TAF3: variants seen among roughly 807,000 people sequenced by gnomAD.
TAF3 encodes the protein transcription initiation factor TFIID subunit 3.
Under a neutral mutation model 80.6 loss-of-function variants are expected in TAF3, and 7 were observed. That is an observed-to-expected ratio of 0.09 (90% CI 0.05 to 0.16). The LOEUF (loss-of-function observed/expected upper bound fraction) is 0.16. TAF3 is among the 10% of genes least tolerant of loss of function. The probability of loss-of-function intolerance (pLI) is 1.00; values close to 1 mark genes in which losing one functional copy is unlikely to be tolerated. For missense variants in TAF3, 921 were observed against 1,140.2 expected, an observed-to-expected ratio of 0.81 and a Z score of 2.77; for synonymous variants, 444 against 446.1, an observed-to-expected ratio of 1.00 and a Z score of 0.06.
chr10:7,965,176 A>G lies in TAF3; in HGVS notation c.1666A>G (p.Lys556Glu), dbSNP rs1325774785. 6.2e-7 allele frequency: 1 copy of G among 1,608,856 alleles called. No homozygotes were observed. Among genetic ancestry groups the G allele is most frequent in the Non-Finnish European group, 8.5e-7 (1 of 1,178,764 alleles). The change falls in exon 3 of 7, where the codon AAG becomes GAG. Residue 556 changes from lysine (K) to glutamate (E), a missense_variant. Coordinates refer to ENST00000344293, the MANE Select transcript of TAF3 (RefSeq NM_031923.4). ...CAAGAACAAGGACAAAAGTAAGGAG[A>G]AGGATAAAGTGAAAGAGAAAGAGAA... is the stretch of plus-strand genomic sequence containing the variant. Reference protein sequence around the residue: ...KDKNKDKSKEKDKVKEKEKDK... With the variant: ...KDKNKDKSKEEDKVKEKEKDK...
rs1322781169 is a variant in TAF3, at chr10:8,015,451, T to G, written c.*700T>G. ...TGCCCTTCTTTAAACTGCTGGAGTC[T>G]CTTCTCACTGCTTGTACATTTCATC... is the stretch of plus-strand genomic sequence containing the variant. On this transcript the variant is annotated 3_prime_UTR_variant, in exon 7 of 7. Coordinates refer to ENST00000344293, the MANE Select transcript of TAF3 (RefSeq NM_031923.4). 6.6e-6 allele frequency: 1 copy of G among 152,240 alleles called. No individual in the cohort carries two copies. Among genetic ancestry groups the G allele is most frequent in the East Asian group, 1.9e-4 (1 of 5,206 alleles). 9.4% of individuals were successfully genotyped at this position (152,240 alleles called of 1,614,324 possible).
At chr10:7,832,494 C>G (rs562631498) in intron 2 of TAF3, among the ~76,000 whole-genome samples, 1 of 152,262 alleles carries the variant, frequency 6.6e-6, no homozygotes, top group African/African-American at 2.4e-5. Flanking sequence ...GTAGTAATTA[C>G]ATCAGACTAA....
intron 2 of TAF3, among the ~76,000 whole-genome samples, chr10:7,958,619 G>T (rs1838159315): frequency 6.6e-6 from 1 of 152,202 alleles, no homozygotes; most frequent in Admixed American, 6.5e-5. Flanking sequence ...GGGGGCTGGG[G>T]TAGGAGTGGA....
chr10:7,863,571 C>G (rs112375296), intron 2 of TAF3, among the ~76,000 whole-genome samples: 17,354 of 130,482 alleles, frequency 0.13, 993 homozygotes, highest in East Asian at 0.17. Flanking sequence ...GATCGCCCCA[C>G]TGCACTCCAG....
chr10:7,979,850 G>A (rs1831709655), intron 4 of TAF3, among the ~76,000 whole-genome samples: 1 of 152,084 alleles, frequency 6.6e-6, no homozygotes, highest in Admixed American at 6.5e-5. Flanking sequence ...TCTAAATCAG[G>A]GGTCAGCAAA....
intron 2 of TAF3, among the ~76,000 whole-genome samples, chr10:7,942,246 G>A (rs1837983241): frequency 2.0e-5 from 3 of 152,136 alleles, no homozygotes; most frequent in African/African-American, 7.2e-5. Flanking sequence ...GATTTCAGTC[G>A]AGCTTCCCAT....
intron 2 of TAF3, among the ~76,000 whole-genome samples, chr10:7,838,815 A>G (rs1409846399): frequency 6.7e-6 from 1 of 148,936 alleles, no homozygotes; most frequent in Non-Finnish European, 1.5e-5. Flanking sequence ...CCTCTCAGAT[A>G]CCTTCCTGTT....
rs188403870 is a variant in TAF3, at chr10:7,819,449, G to A, written c.166+574G>A. Reference sequence around the variant, plus strand: ...TGTTTTTCCAAGGCTGACTTTGTCAGTTTCGCTGATTAGATGTACTTTCAC... The same window carrying A: ...TGTTTTTCCAAGGCTGACTTTGTCAATTTCGCTGATTAGATGTACTTTCAC... On this transcript the variant is annotated intron_variant, in intron 1 of 6. Coordinates refer to ENST00000344293, the MANE Select transcript of TAF3 (RefSeq NM_031923.4). Among the ~76,000 whole-genome samples, 282 of 152,312 alleles carry A rather than the reference G, an allele frequency of 1.9e-3. 1 individual carries two copies. Among genetic ancestry groups the A allele is most frequent in the African/African-American group, 6.5e-3 (270 of 41,550 alleles).
chr10:7,874,596 T>A (rs977078758), intron 2 of TAF3, among the ~76,000 whole-genome samples: 6 of 152,016 alleles, frequency 3.9e-5, no homozygotes, highest in Admixed American at 3.9e-4. Context: ...TCCTAAACAT[T>A]TTCATGATTT....
chr10:7,985,976 G>T (rs1048521171), intron 4 of TAF3, among the ~76,000 whole-genome samples: 1 of 151,902 alleles, frequency 6.6e-6, no homozygotes, highest in Admixed American at 6.6e-5. Flanking sequence ...TAGAGACAGG[G>T]TTTCGCCTTG....
chr10:7,937,383 G>C (rs1816154807), intron 2 of TAF3, among the ~76,000 whole-genome samples: 1 of 152,166 alleles, frequency 6.6e-6, no homozygotes, highest in Non-Finnish European at 1.5e-5. Flanking sequence ...CATTCTAATA[G>C]GTGTGTAGTG....
At chr10:7,949,774 T>C (rs1838064053) in intron 2 of TAF3, among the ~76,000 whole-genome samples, 1 of 152,138 alleles carries the variant, frequency 6.6e-6, no homozygotes, top group South Asian at 2.1e-4. Flanking sequence ...TTTAACTGCA[T>C]AGACCAAATA....
chr10:7,916,252 A>G (rs923046245), intron 2 of TAF3, among the ~76,000 whole-genome samples: 1 of 152,192 alleles, frequency 6.6e-6, no homozygotes, highest in African/African-American at 2.4e-5. Context: ...CCTTCAGGTA[A>G]TTAATGTATG....
chr10:7,837,194 C>T (rs1229769258), intron 2 of TAF3, among the ~76,000 whole-genome samples: 2 of 152,196 alleles, frequency 1.3e-5, no homozygotes, highest in Non-Finnish European at 2.9e-5. Context: ...GAAATCCTGT[C>T]TCTACTAAAA....
At chr10:7,985,687 C>T (rs951124243) in intron 4 of TAF3, among the ~76,000 whole-genome samples, 2 of 152,086 alleles carry the variant, frequency 1.3e-5, no homozygotes, top group Non-Finnish European at 2.9e-5. Context: ...CCCGGTCTGC[C>T]GTTTGGACAC....
chr10:7,995,256 T>C (rs890002629), intron 4 of TAF3, among the ~76,000 whole-genome samples: 2 of 152,212 alleles, frequency 1.3e-5, no homozygotes, highest in Non-Finnish European at 2.9e-5. Context: ...TTGATATACA[T>C]TGAGGTTCAT....
intron 4 of TAF3, among the ~76,000 whole-genome samples, chr10:8,000,827 A>G (rs1360160835): frequency 1.3e-5 from 2 of 152,202 alleles, no homozygotes; most frequent in Non-Finnish European, 2.9e-5. Flanking sequence ...TGTAAAGGCA[A>G]TTGCTGGACA....
rs1832102588 is a variant in TAF3, at chr10:8,016,185, C to T, written c.*1434C>T. 1 of 151,830 alleles carries T rather than the reference C, an allele frequency of 6.6e-6. No individual in the cohort carries two copies. Among genetic ancestry groups the T allele is most frequent in the Non-Finnish European group, 1.5e-5 (1 of 67,984 alleles). 9.4% of individuals were successfully genotyped at this position (151,830 alleles called of 1,614,324 possible). A position where few individuals can be genotyped will look rare whatever the true frequency, so the allele number is the denominator to read the frequency against. Reference sequence around the variant, plus strand: ...ACTTTTACTTGATTTTGAAATAATCCCAGTGTAGGCCCATGTGCTGGATCT... The same window carrying T: ...ACTTTTACTTGATTTTGAAATAATCTCAGTGTAGGCCCATGTGCTGGATCT... On this transcript the variant is annotated 3_prime_UTR_variant, in exon 7 of 7. Transcript: ENST00000344293.
At chr10:7,873,516 G>A (rs1837285530) in intron 2 of TAF3, among the ~76,000 whole-genome samples, 1 of 151,730 alleles carries the variant, frequency 6.6e-6, no homozygotes, top group Non-Finnish European at 1.5e-5. Flanking sequence ...CACTGCAGGT[G>A]CAAATTTAGA....
Sources: gnomAD v4.1 joint callset for allele counts (sites outside exome capture counted in the v4.1 genomes callset) on GRCh38, gnomAD v4.1.1 for gene constraint, MANE v1.5 for transcripts, NCBI Gene and HGNC (gene_info 2026-07-23, HGNC 2026-07-21) for gene names.